WWOX: variants seen among roughly 807,000 people sequenced by gnomAD.
WWOX encodes WW domain containing oxidoreductase, also known as WW domain-containing oxidoreductase.
Under a neutral mutation model 46.2 loss-of-function variants are expected in WWOX, and 69 were observed. That is an observed-to-expected ratio of 1.49 (90% CI 1.23 to 1.82). The LOEUF (loss-of-function observed/expected upper bound fraction) is 1.82. WWOX is among the 40% of genes most tolerant of loss of function. The pLI, the probability that WWOX is intolerant of heterozygous loss-of-function variation, is 0.00. For missense variants in WWOX, 919 were observed against 542.6 expected (o/e 1.69, Z -6.89); for synonymous variants, 359 against 202.6 (o/e 1.77, Z -6.56).
intron 8 of WWOX, among the ~76,000 whole-genome samples, chr16:78,797,604 C>A (rs1460583221): frequency 6.6e-6 from 1 of 152,084 alleles, no homozygotes; most frequent in Non-Finnish European, 1.5e-5. Context: ...CCTGAGCTTC[C>A]ATGTGCTTAT....
At chr16:78,188,856 C>T (rs2035792256) in intron 5 of WWOX, among the ~76,000 whole-genome samples, 1 of 152,178 alleles carries the variant, frequency 6.6e-6, no homozygotes, top group African/African-American at 2.4e-5. Flanking sequence ...AGATATGACA[C>T]ATGCTCTGTT....
chr16:78,599,645 C>T (rs1359856810), intron 8 of WWOX, among the ~76,000 whole-genome samples: 4 of 152,188 alleles, frequency 2.6e-5, no homozygotes, highest in African/African-American at 7.2e-5. Flanking sequence ...AACATTTGCT[C>T]CCGAGTCTCA....
At chr16:78,557,748 T>C (rs1363275719) in intron 8 of WWOX, among the ~76,000 whole-genome samples, 2 of 141,926 alleles carry the variant, frequency 1.4e-5, no homozygotes, top group Non-Finnish European at 3.0e-5. Flanking sequence ...CAAGCTGGAG[T>C]GCAGTGGCGC....
At chr16:78,193,677 A>C (rs2035953987) in intron 5 of WWOX, among the ~76,000 whole-genome samples, 1 of 147,064 alleles carries the variant, frequency 6.8e-6, no homozygotes, top group Non-Finnish European at 1.5e-5. Context: ...AGGTTTCAAC[A>C]CCATATGGGT....
intron 6 of WWOX, among the ~76,000 whole-genome samples, chr16:78,424,565 C>T (rs1373159161): frequency 1.3e-5 from 2 of 152,176 alleles, no homozygotes; most frequent in African/African-American, 4.8e-5. Flanking sequence ...ACTAGGGTGA[C>T]AACTCTTCGC....
In WWOX at chr16:78,874,228, C is replaced by G. The variant is rs112289816; in HGVS notation, c.1057-337380C>G. On this transcript the variant is annotated intron_variant, in intron 8 of 8. Transcript: ENST00000566780. ...CTGAGATGGCGCCGCTGCACTCTAG[C>G]ATGGGCGACAGAGCGAGACTCTGTC... is the stretch of plus-strand genomic sequence containing the variant. Among the ~76,000 whole-genome samples the G allele has an allele frequency of 2.7e-3, 395 of 145,132 alleles. 1 individual carries two copies. The highest frequency in any genetic ancestry group is 9.8e-3 in the African/African-American group (380 of 38,726).
At chr16:78,218,241 A>G (rs1176218423) in intron 5 of WWOX, among the ~76,000 whole-genome samples, 1 of 151,908 alleles carries the variant, frequency 6.6e-6, no homozygotes, top group African/African-American at 2.4e-5. Context: ...ATATTTATGT[A>G]TGTGCATGTG....
chr16:79,116,035 G>T (rs1485544083), intron 8 of WWOX, among the ~76,000 whole-genome samples: 2 of 152,124 alleles, frequency 1.3e-5, no homozygotes, highest in African/African-American at 4.8e-5. Context: ...CGATATAATA[G>T]ACTCTTAAGT....
chr16:79,067,757 A>G (rs571939208), intron 8 of WWOX, among the ~76,000 whole-genome samples: 1 of 152,276 alleles, frequency 6.6e-6, no homozygotes, highest in South Asian at 2.1e-4. Flanking sequence ...AGTGCCTGGC[A>G]AATGCACAGA....
intron 8 of WWOX, among the ~76,000 whole-genome samples, chr16:78,850,901 A>C (rs2151180261): frequency 6.6e-6 from 1 of 152,302 alleles, no homozygotes; most frequent in Admixed American, 6.5e-5. Context: ...TTCTGTGATC[A>C]CTTATTGATC....
rs373687904 is a variant in WWOX at position 78,761,586 on chromosome 16, C to A, written c.1056+328834C>A. Among the ~76,000 whole-genome samples the A allele has an allele frequency of 8.5e-5, 13 of 152,076 alleles. No individual in the cohort carries two copies. The East Asian group carries it at 1.4e-3, about 16-fold the overall frequency. Reference sequence around the variant, plus strand: ...TCACAGCTCTTGACCTCAGGACTCTCGCTGGTCTAGAGGAGATTGGTTTGT... The same window carrying A: ...TCACAGCTCTTGACCTCAGGACTCTAGCTGGTCTAGAGGAGATTGGTTTGT... On this transcript the variant is annotated intron_variant, in intron 8 of 8. Coordinates refer to ENST00000566780, the MANE Select transcript of WWOX (RefSeq NM_016373.4).
At chr16:78,188,625 G>A (rs1313437758) in intron 5 of WWOX, among the ~76,000 whole-genome samples, 2 of 151,974 alleles carry the variant, frequency 1.3e-5, no homozygotes, top group African/African-American at 2.4e-5. Flanking sequence ...GTTTCGAGAC[G>A]ATAATATTAG....
At chr16:79,130,695 T>C (rs189921194) in intron 8 of WWOX, among the ~76,000 whole-genome samples, 2 of 152,224 alleles carry the variant, frequency 1.3e-5, no homozygotes, top group South Asian at 2.1e-4. Context: ...AATTAGACCC[T>C]AATGAAGTGC....
intron 8 of WWOX, among the ~76,000 whole-genome samples, chr16:79,131,563 C>G (rs775421658): frequency 6.6e-6 from 1 of 152,116 alleles, no homozygotes; most frequent in Non-Finnish European, 1.5e-5. Flanking sequence ...GCCAGTAAAT[C>G]AACTCTTGAA....
chr16:78,674,336 G>A (rs1044533138), intron 8 of WWOX, among the ~76,000 whole-genome samples: 7 of 150,250 alleles, frequency 4.7e-5, no homozygotes, highest in Middle Eastern at 3.2e-3. Flanking sequence ...CCAGGCTGGA[G>A]TGCAGTGGTG....
chr16:79,194,965 G>A (rs919297813), intron 8 of WWOX, among the ~76,000 whole-genome samples: 1 of 152,122 alleles, frequency 6.6e-6, no homozygotes, highest in Non-Finnish European at 1.5e-5. Context: ...TACTGCTAAT[G>A]CTGTCAGTTC....
chr16:78,786,739 G>A (rs961953587), intron 8 of WWOX, among the ~76,000 whole-genome samples: 5 of 152,178 alleles, frequency 3.3e-5, no homozygotes, highest in Non-Finnish European at 7.3e-5. Context: ...TTCCTTTAAA[G>A]AGCTTATCAT....
intron 8 of WWOX, among the ~76,000 whole-genome samples, chr16:78,681,621 G>C (rs1032491064): frequency 6.6e-6 from 1 of 152,032 alleles, no homozygotes; most frequent in East Asian, 1.9e-4. Context: ...TCTAGGGACA[G>C]ACCGAGGTTT....
chr16:78,155,445 T>C (rs1178764357), intron 4 of WWOX, among the ~76,000 whole-genome samples: 1 of 152,204 alleles, frequency 6.6e-6, no homozygotes, highest in Non-Finnish European at 1.5e-5. Flanking sequence ...TTCCATTTCA[T>C]AGAACTTGAA....
Sources: allele counts gnomAD v4.1 joint callset (sites outside exome capture counted in the v4.1 genomes callset), GRCh38; gene constraint gnomAD v4.1.1; transcripts MANE v1.5; gene names NCBI Gene and HGNC (gene_info 2026-07-23, HGNC 2026-07-21).